Variants in FUOM observed in about 807,000 individuals in gnomAD.
FUOM encodes the protein protein fucU homolog.
A neutral mutation model predicts 18.3 loss-of-function variants in FUOM; 19 were observed. The observed-to-expected ratio is 1.04, with a 90% CI of 0.73 to 1.53. The LOEUF (loss-of-function observed/expected upper bound fraction) is 1.53, where lower values mean the gene tolerates loss of function less well. Among genes scored for constraint, FUOM ranks in the 40% most tolerant of loss-of-function variants. The pLI, the probability that FUOM is intolerant of heterozygous loss-of-function variation, is 0.00. For missense variants in FUOM, 210 were observed against 200.9 expected, an observed-to-expected ratio of 1.04 and a Z score of -0.27; for synonymous variants, 102 against 87.9, an observed-to-expected ratio of 1.16 and a Z score of -0.90.
chr10:133,356,451 G>T (rs1421534615), intron 4 of FUOM, among the ~76,000 whole-genome samples, 189 bp downstream of exon 4: 1 of 152,202 alleles, frequency 6.6e-6, no homozygotes, highest in Non-Finnish European at 1.5e-5. Flanking sequence ...AGGAAGAGGG[G>T]CCACACTGCC....
At chr10:133,357,485 C>G in intron 1 of FUOM, 1 of 591,904 alleles carries the variant, frequency 1.7e-6, no homozygotes, top group Non-Finnish European at 3.1e-6. Flanking sequence ...GAGGCGTCAA[C>G]AGCTGCCCGC....
Position 133,355,340 on chromosome 10 carries a change from C to T in FUOM, c.*30G>A, listed in dbSNP as rs573848181. 2 of 1,573,082 alleles carry T rather than the reference C, an allele frequency of 1.3e-6. No individual in the cohort carries two copies. Among genetic ancestry groups the T allele is most frequent in the African/African-American group, 1.3e-5 (1 of 74,320 alleles). On this transcript the variant is annotated 3_prime_UTR_variant, in exon 6 of 6. Transcript: ENST00000278025. ...CTGGAGCTCAGGGTGCCCCCAGTTCCTCTTCCGGCCCAGGTGGTCTTCACC... is the reference window on the plus strand; with the variant it reads ...CTGGAGCTCAGGGTGCCCCCAGTTCTTCTTCCGGCCCAGGTGGTCTTCACC...
At chr10:133,353,964 C>CTT (rs56893037), downstream of FUOM, among the ~76,000 whole-genome samples, 26 of 138,710 alleles carry the variant, frequency 1.9e-4, no homozygotes, top group African/African-American at 6.3e-4. Flanking sequence ...GTGTTTGTGG[C>CTT]TTTTTTTTTT....
At chr10:133,352,890 G>A (rs570123759), downstream of FUOM, among the ~76,000 whole-genome samples, 13 of 152,344 alleles carry the variant, frequency 8.5e-5, no homozygotes, top group African/African-American at 2.4e-4. Context: ...CCAGAAGACC[G>A]ATGACCGGGG....
At position 133,355,243 on chromosome 10, in the gene FUOM, C is replaced by A; in HGVS notation, c.*127G>T. 9.4e-7 allele frequency: 1 copy of A among 1,063,994 alleles called. No homozygotes were observed. The highest frequency in any genetic ancestry group is 1.3e-6 in the Non-Finnish European group (1 of 758,434). 65.9% of individuals were successfully genotyped at this position (1,063,994 alleles called of 1,614,324 possible). A position where few individuals can be genotyped will look rare whatever the true frequency, so the allele number is the denominator to read the frequency against. ...ATTGGCAGGGCCCACCCCAAGACTGCCGGCCCCTAGAGCCCTGGCCAGGGC... is the reference window on the plus strand; with the variant it reads ...ATTGGCAGGGCCCACCCCAAGACTGACGGCCCCTAGAGCCCTGGCCAGGGC... On this transcript the variant is annotated 3_prime_UTR_variant, in exon 6 of 6. Coordinates refer to ENST00000278025, the MANE Select transcript of FUOM (RefSeq NM_001098483.3).
At chr10:133,352,821 C>G (rs942127443), downstream of FUOM, 17 of 194,862 alleles carry the variant, frequency 8.7e-5, no homozygotes, top group African/African-American at 4.0e-4. Flanking sequence ...AAGACTCCAT[C>G]TCAATCGATC....
chr10:133,353,027 G>A (rs1443674814), downstream of FUOM, among the ~76,000 whole-genome samples: 1 of 152,180 alleles, frequency 6.6e-6, no homozygotes, highest in Non-Finnish European at 1.5e-5. Flanking sequence ...TGTGGCAGCA[G>A]TTAGGGGATG....
chr10:133,355,764 C>T lies in FUOM; in HGVS notation c.372G>A (p.Lys124=), dbSNP rs779167863. The T allele has an allele frequency of 6.2e-7, 1 of 1,613,378 alleles. No homozygotes were observed. The highest frequency in any genetic ancestry group is 1.1e-5 in the South Asian group (1 of 91,088). Residue 124 remains lysine (K), a synonymous_variant, in exon 5 of 6, where the codon AAG becomes AAA. Transcript: ENST00000278025. ...CCGTTGCCACAACAGCAAAAGCCTTCTTAGCCCGTTCATAAAACTCAAACC... is the reference window on the plus strand; with the variant it reads ...CCGTTGCCACAACAGCAAAAGCCTTTTTAGCCCGTTCATAAAACTCAAACC... ...IERFEFYERA[K]KAFAVVATGE...
intron 4 of FUOM, 128 bp from the exon 5 acceptor site, chr10:133,355,939 C>A (rs1487183717): frequency 2.5e-6 from 2 of 789,602 alleles, no homozygotes; most frequent in Non-Finnish European, 4.4e-6. Flanking sequence ...GGGCTCTCCC[C>A]CGGCAAGGGC....
chr10:133,356,939 T>A lies in FUOM; in HGVS notation c.225+4A>T. 1 of 1,550,174 alleles carries A rather than the reference T, an allele frequency of 6.5e-7. No individual in the cohort carries two copies. On this transcript the variant is annotated splice_donor_region_variant and intron_variant, in intron 3 of 5. Coordinates refer to ENST00000278025, the MANE Select transcript of FUOM (RefSeq NM_001098483.3). ...GCAGGGTGCAGGGGCGACTCAGCCC[T>A]CACCGGACTCTCCACATAGGTGTCC...
At chr10:133,353,964 CTTT>C (rs56893037), downstream of FUOM, among the ~76,000 whole-genome samples, 1 of 138,726 alleles carries the variant, frequency 7.2e-6, no homozygotes. Context: ...GTGTTTGTGG[CTTT>C]TTTTTTTTTT....
chr10:133,355,356 G>A lies in FUOM; in HGVS notation c.*14C>T, dbSNP rs1348583811. Reference sequence around the variant, plus strand: ...CCCCAGTTCCTCTTCCGGCCCAGGTGGTCTTCACCAGGCCTACAGCAGGGG... The same window carrying A: ...CCCCAGTTCCTCTTCCGGCCCAGGTAGTCTTCACCAGGCCTACAGCAGGGG... On this transcript the variant is annotated 3_prime_UTR_variant, in exon 6 of 6. Transcript: ENST00000278025. The A allele has an allele frequency of 6.3e-7, 1 of 1,595,506 alleles. No homozygotes were observed. The highest frequency in any genetic ancestry group is 2.3e-4 in the Middle Eastern group (1 of 4,442).
At chr10:133,357,532 C>A (rs1380713329) in intron 1 of FUOM, 2 of 524,274 alleles carry the variant, frequency 3.8e-6, no homozygotes, top group Admixed American at 7.1e-5. Context: ...GGGGGCCGAC[C>A]CGGACCCGGC....
At chr10:133,357,889 G>C in intron 1 of FUOM, 34 bp downstream of exon 1, 1 of 1,501,432 alleles carries the variant, frequency 6.7e-7, no homozygotes, top group Non-Finnish European at 8.9e-7. Context: ...CCTGTCCCGG[G>C]GTGCTCCCCG....
chr10:133,356,595 A>C, intron 4 of FUOM, 45 bp downstream of exon 4: 1 of 1,408,264 alleles, frequency 7.1e-7, no homozygotes, highest in South Asian at 1.4e-5. Context: ...TCCAGGAGAC[A>C]GAGGGTCCCT....
chr10:133,357,211 C>G lies in FUOM; in HGVS notation c.130G>C (p.Gly44Arg), dbSNP rs1340804050. The G allele has an allele frequency of 2.5e-6, 4 of 1,582,754 alleles. No homozygotes were observed. In the South Asian group the frequency reaches 3.5e-5, roughly 14 times the overall value. The part of the protein sequence containing the change: ...NFPASSICQC[G>R]PMEIRADGLG... ...CCGTCTGCACGGATCTCCATGGGCC[C>G]ACACTGGCAGATGGAGGAGGCCGGG... The change falls in exon 2 of 6, where the codon GGG becomes CGG. Residue 44 changes from glycine (G) to arginine (R), a missense_variant. By Grantham distance (125) the Gly-to-Arg change is moderately radical (BLOSUM62 -2). Coordinates refer to ENST00000278025, the MANE Select transcript of FUOM (RefSeq NM_001098483.3).
At chr10:133,355,469 G>A in intron 5 of FUOM, 33 bp from the exon 6 acceptor site, 1 of 1,608,422 alleles carries the variant, frequency 6.2e-7, no homozygotes, top group East Asian at 2.2e-5. Flanking sequence ...ACTGAGCTGG[G>A]CTGCAGGGCC....
intron 5 of FUOM, 59 bp downstream of exon 5, chr10:133,355,679 G>T (rs1431156878): frequency 1.3e-6 from 2 of 1,571,028 alleles, no homozygotes; most frequent in East Asian, 2.2e-5. Flanking sequence ...CGGTGGGGAT[G>T]GGGGCAGCTC....
At chr10:133,353,193 A>G (rs1284258360), downstream of FUOM, among the ~76,000 whole-genome samples, 1 of 152,184 alleles carries the variant, frequency 6.6e-6, no homozygotes, top group Non-Finnish European at 1.5e-5. Flanking sequence ...TCAGGTGGAA[A>G]GTGCACAGGT....
Sources: allele counts gnomAD v4.1 joint callset (sites outside exome capture counted in the v4.1 genomes callset), GRCh38; gene constraint gnomAD v4.1.1; transcripts MANE v1.5; gene names NCBI Gene and HGNC (gene_info 2026-07-23, HGNC 2026-07-21).